SUMF1: variants seen among roughly 807,000 people sequenced by gnomAD.
SUMF1 encodes sulfatase modifying factor 1.
SUMF1 carries 48 observed loss-of-function variants against 47.6 expected under a neutral mutation model. The observed-to-expected ratio is 1.01, with a 90% confidence interval of 0.80 to 1.28. SUMF1 has a LOEUF of 1.28. Ranked by LOEUF, SUMF1 falls within the 50% of genes most tolerant of loss-of-function variation. The pLI is 0.00. For synonymous variants in SUMF1, 230 were observed against 192.1 expected, an observed-to-expected ratio of 1.20 and a Z score of -1.63; for missense variants, 571 against 485.4, an observed-to-expected ratio of 1.18 and a Z score of -1.66.
chr3:4,068,373 T>C (rs772653697), intron 9 of SUMF1, among the ~76,000 whole-genome samples: 1 of 152,012 alleles, frequency 6.6e-6, no homozygotes, highest in Non-Finnish European at 1.5e-5. Flanking sequence ...TATCAAAGTT[T>C]CAAAAATTTA....
At chr3:4,457,609 T>C (rs932747806) in intron 1 of SUMF1, among the ~76,000 whole-genome samples, 9 of 152,110 alleles carry the variant, frequency 5.9e-5, no homozygotes, top group African/African-American at 2.2e-4. Flanking sequence ...TCATCTGATT[T>C]TCAACAAAGG....
At chr3:4,126,845 C>T (rs140036146) in intron 8 of SUMF1, among the ~76,000 whole-genome samples, 12 of 152,230 alleles carry the variant, frequency 7.9e-5, no homozygotes, top group African/African-American at 2.9e-4. Flanking sequence ...TCAATGAAAG[C>T]GGCAGTAGTC....
intron 8 of SUMF1, among the ~76,000 whole-genome samples, chr3:4,364,606 C>A (rs1699885292): frequency 6.6e-6 from 1 of 151,034 alleles, no homozygotes; most frequent in Non-Finnish European, 1.5e-5. Flanking sequence ...CTATTTGATT[C>A]TTCTCTCTTT....
intron 8 of SUMF1, among the ~76,000 whole-genome samples, chr3:4,077,768 C>T (rs983522527): frequency 1.4e-4 from 22 of 152,008 alleles, no homozygotes; most frequent in Non-Finnish European, 5.9e-5. Context: ...AACAAACCTG[C>T]ACGTTGTGCA....
chr3:4,429,220 A>T (rs1291996769), intron 3 of SUMF1, among the ~76,000 whole-genome samples: 1 of 152,218 alleles, frequency 6.6e-6, no homozygotes, highest in East Asian at 1.9e-4. Context: ...AAAATCCTCA[A>T]TATTATTAGA....
At chr3:4,163,700 C>T (rs1245869381) in intron 8 of SUMF1, among the ~76,000 whole-genome samples, 1 of 151,718 alleles carries the variant, frequency 6.6e-6, no homozygotes, top group Admixed American at 6.6e-5. Context: ...AGAGTTAAAA[C>T]AACATCTGGG....
intron 3 of SUMF1, among the ~76,000 whole-genome samples, chr3:4,430,598 G>A (rs537903592): frequency 6.8e-6 from 1 of 147,164 alleles, no homozygotes; most frequent in South Asian, 2.1e-4. Context: ...TGCTATCTAC[G>A]CATTCCGCAA....
chr3:4,325,191 G>A (rs1360909271), intron 8 of SUMF1, among the ~76,000 whole-genome samples: 3 of 152,052 alleles, frequency 2.0e-5, no homozygotes, highest in African/African-American at 7.2e-5. Context: ...GATTTGGGTA[G>A]GGACACAGCC....
At chr3:4,254,429 G>T (rs1488821341) in intron 8 of SUMF1, among the ~76,000 whole-genome samples, 2 of 150,708 alleles carry the variant, frequency 1.3e-5, no homozygotes, top group African/African-American at 2.4e-5. Context: ...AGGAGCTGAT[G>T]GAGCTGAAAA....
intron 6 of SUMF1, among the ~76,000 whole-genome samples, chr3:4,413,346 C>A (rs1344956398): frequency 6.6e-6 from 1 of 152,050 alleles, no homozygotes; most frequent in Admixed American, 6.6e-5. Flanking sequence ...AGCAACTTAA[C>A]CTATATGGGT....
chr3:4,419,645 C>A (rs1027017898), intron 4 of SUMF1, among the ~76,000 whole-genome samples: 5 of 152,162 alleles, frequency 3.3e-5, no homozygotes, highest in African/African-American at 7.2e-5. Context: ...GAATCCTATA[C>A]CCAAGGCCTG....
At chr3:4,166,826 T>C (rs914859142) in intron 8 of SUMF1, among the ~76,000 whole-genome samples, 1 of 151,962 alleles carries the variant, frequency 6.6e-6, no homozygotes, top group Non-Finnish European at 1.5e-5. Context: ...TCCAGAAGTA[T>C]AGGAAAAGCA....
intron 8 of SUMF1, among the ~76,000 whole-genome samples, chr3:4,246,424 CAG>C (rs1432025152): frequency 6.6e-6 from 1 of 151,972 alleles, no homozygotes; most frequent in Non-Finnish European, 1.5e-5. Flanking sequence ...TTGTTTTTGA[CAG>C]AGTCTCACTC....
At chr3:4,048,874 G>A (rs1335322897) in intron 9 of SUMF1, among the ~76,000 whole-genome samples, 3 of 152,088 alleles carry the variant, frequency 2.0e-5, no homozygotes, top group African/African-American at 7.2e-5. Flanking sequence ...ATGATGTTCT[G>A]CACTTCATAG....
intron 9 of SUMF1, among the ~76,000 whole-genome samples, chr3:4,067,237 G>A (rs1222726292): frequency 6.6e-6 from 1 of 152,134 alleles, no homozygotes; most frequent in Non-Finnish European, 1.5e-5. Flanking sequence ...TGGTGTATCA[G>A]TAAGACAGGC....
intron 8 of SUMF1, among the ~76,000 whole-genome samples, chr3:4,139,629 T>C (rs923226205): frequency 1.6e-4 from 24 of 151,506 alleles, no homozygotes; most frequent in Non-Finnish European, 3.4e-4. Flanking sequence ...AGCCAGTTGT[T>C]AATCATTTAC....
At position 4,162,678 on chromosome 3, in the gene SUMF1, C is replaced by G. The variant is rs561053088; in HGVS notation, c.1015-93933G>C. 4.6e-5 allele frequency among the ~76,000 whole-genome samples: 7 copies of G among 152,264 alleles called. No homozygotes were observed. The South Asian group carries it at 1.5e-3, about 32-fold the overall frequency. On this transcript the variant is annotated intron_variant and NMD_transcript_variant, in intron 8 of 12. Coordinates refer to the SUMF1 transcript ENST00000448413. ...TGTCTTCATGCCATGCGGCTGTTGC[C>G]AGAAGGATGGGAGTGAGGTGGTGTC...
rs893939910 is a variant in SUMF1 at position 4,177,114 on chromosome 3, A to G, written c.1015-108369T>C. On this transcript the variant is annotated intron_variant and NMD_transcript_variant, in intron 8 of 12. Coordinates refer to the SUMF1 transcript ENST00000448413. ...GGGAGACTTTAATACCCCACTGTCAATATTAGACAGATCAGTGGGACAGAA... is the reference window on the plus strand; with the variant it reads ...GGGAGACTTTAATACCCCACTGTCAGTATTAGACAGATCAGTGGGACAGAA... Among the ~76,000 whole-genome samples the G allele has an allele frequency of 4.6e-5, 7 of 152,280 alleles. No homozygotes were observed. The South Asian group carries it at 1.5e-3, about 32-fold the overall frequency.
At chr3:4,351,938 GA>G (rs1699510659) in intron 8 of SUMF1, among the ~76,000 whole-genome samples, 1 of 152,196 alleles carries the variant, frequency 6.6e-6, no homozygotes, top group African/African-American at 2.4e-5. Context: ...ATCTGAAGAA[GA>G]AATAGATTTA....
Sources: gnomAD v4.1 joint callset for allele counts (sites outside exome capture counted in the v4.1 genomes callset) on GRCh38, gnomAD v4.1.1 for gene constraint, MANE v1.5 for transcripts, NCBI Gene and HGNC (gene_info 2026-07-23, HGNC 2026-07-21) for gene names.